Variants in EPHA6 observed in about 807,000 individuals in gnomAD.
EPHA6 encodes EPH receptor A6.
EPHA6 carries 50 observed loss-of-function variants against 112.0 expected under a neutral mutation model. That is an observed-to-expected ratio of 0.45 (90% confidence interval 0.36 to 0.56). EPHA6 has a LOEUF of 0.56. EPHA6 is among the 20% of genes least tolerant of loss of function. The pLI, the probability that EPHA6 is intolerant of heterozygous loss-of-function variation, is 0.00. For missense variants in EPHA6, 1,280 were observed against 1,417.4 expected (o/e 0.90, Z 1.56); for synonymous variants, 529 against 490.7 (o/e 1.08, Z -1.03).
At chr3:97,523,158 G>A (rs769882537) in intron 10 of EPHA6, among the ~76,000 whole-genome samples, 1 of 151,878 alleles carries the variant, frequency 6.6e-6, no homozygotes, top group African/African-American at 2.4e-5. Context: ...TGTAATGCAG[G>A]CATTTATTGC....
chr3:97,532,311 G>A (rs1036487471), intron 10 of EPHA6, 47 bp from the exon 11 acceptor site: 1 of 1,522,932 alleles, frequency 6.6e-7, no homozygotes, highest in South Asian at 1.2e-5. Context: ...CTTCTGAAAT[G>A]TAAGTGTTCG....
At chr3:97,247,300 T>C (rs1257420516) in intron 5 of EPHA6, among the ~76,000 whole-genome samples, 3 of 152,050 alleles carry the variant, frequency 2.0e-5, no homozygotes, top group Non-Finnish European at 2.9e-5. Context: ...TTATTTAACA[T>C]ATTTTTAGTG....
At chr3:97,217,756 G>A (rs947302972) in intron 3 of EPHA6, among the ~76,000 whole-genome samples, 12 of 152,168 alleles carry the variant, frequency 7.9e-5, no homozygotes, top group Non-Finnish European at 1.3e-4. Flanking sequence ...TCCATGTAGG[G>A]AGTGGCAAGA....
intron 3 of EPHA6, among the ~76,000 whole-genome samples, chr3:97,145,689 T>G (rs2076026627): frequency 6.6e-6 from 1 of 151,644 alleles, no homozygotes; most frequent in South Asian, 2.1e-4. Flanking sequence ...ACTGCATAGG[T>G]TTTTTATTTT....
intron 1 of EPHA6, among the ~76,000 whole-genome samples, chr3:96,836,879 A>G (rs1317515085): frequency 6.6e-5 from 10 of 152,174 alleles, no homozygotes; most frequent in Non-Finnish European, 1.5e-4. Context: ...ACCATTCTGC[A>G]TAGATAAACA....
chr3:97,197,396 C>T (rs1003784494), intron 3 of EPHA6, among the ~76,000 whole-genome samples: 1 of 151,790 alleles, frequency 6.6e-6, no homozygotes, highest in Non-Finnish European at 1.5e-5. Context: ...CATGGTGGAT[C>T]CTGCCAAAAC....
intron 3 of EPHA6, among the ~76,000 whole-genome samples, chr3:96,988,371 A>C (rs2043096043): frequency 6.6e-6 from 1 of 152,128 alleles, no homozygotes; most frequent in Non-Finnish European, 1.5e-5. Context: ...AAACAATATG[A>C]ATTGCTGTAT....
intron 10 of EPHA6, among the ~76,000 whole-genome samples, chr3:97,516,971 AAAC>A (rs563595490): frequency 1.2e-4 from 19 of 152,240 alleles, no homozygotes; most frequent in Admixed American, 3.3e-4. Context: ...GGTGCTGTGG[AAAC>A]AACAGAAAAT....
At chr3:96,815,723 A>G (rs9867772) in intron 1 of EPHA6, among the ~76,000 whole-genome samples, 2,383 of 152,246 alleles carry the variant, frequency 0.016, 28 homozygotes, top group Non-Finnish European at 0.024. Flanking sequence ...GTGAAGGTAA[A>G]TAGTGGTTAA....
chr3:97,590,419 G>C (rs1431815003), intron 11 of EPHA6: 1 of 152,122 alleles, frequency 6.6e-6, no homozygotes, highest in Admixed American at 6.6e-5. Context: ...ATTTGTATTA[G>C]TTTCTTTCAA....
intron 10 of EPHA6, among the ~76,000 whole-genome samples, chr3:97,527,771 T>C (rs1396887201): frequency 6.6e-6 from 1 of 152,132 alleles, no homozygotes; most frequent in Non-Finnish European, 1.5e-5. Context: ...GAGGATGTGA[T>C]TGGCTTGTTT....
intron 14 of EPHA6, among the ~76,000 whole-genome samples, chr3:97,715,427 A>T (rs1293648127): frequency 2.0e-5 from 3 of 152,348 alleles, no homozygotes; most frequent in Admixed American, 2.0e-4. Flanking sequence ...AGGATTTTTT[A>T]AATTATGCTT....
At chr3:97,185,661 C>T (rs1253249334) in intron 3 of EPHA6, among the ~76,000 whole-genome samples, 2 of 151,996 alleles carry the variant, frequency 1.3e-5, no homozygotes, top group African/African-American at 2.4e-5. Context: ...GTGGCGATTC[C>T]TCAGGGATCT....
chr3:97,352,351 A>T (rs1252722161), intron 5 of EPHA6, among the ~76,000 whole-genome samples: 1 of 152,180 alleles, frequency 6.6e-6, no homozygotes, highest in Non-Finnish European at 1.5e-5. Flanking sequence ...GTGAGCGATT[A>T]CAGTCCCTGG....
intron 14 of EPHA6, among the ~76,000 whole-genome samples, chr3:97,712,161 T>C (rs889530541): frequency 3.3e-5 from 5 of 152,202 alleles, no homozygotes; most frequent in African/African-American, 4.8e-5. Context: ...ATAAAATCCA[T>C]TACTTTTGTG....
chr3:97,720,298 C>T lies in EPHA6; in HGVS notation c.2822C>T (p.Ala941Val), dbSNP rs2034468808. ...KIPIRWTAPE[A>V]IAYRKFSSAS... ...CCCATAAGGTGGACAGCCCCAGAAGCCATCGCCTACAGAAAATTCTCCTCA... is the reference window on the plus strand; with the variant it reads ...CCCATAAGGTGGACAGCCCCAGAAGTCATCGCCTACAGAAAATTCTCCTCA... The change falls in exon 15 of 18, where the codon GCC (alanine) becomes GTC (valine). Residue 941 changes from alanine (A) to valine (V), a missense_variant. Physicochemically the swap from Ala to Val is moderately conservative, Grantham distance 64 (BLOSUM62 0). This residue lies in a region of EPHA6 where 37 missense variants were observed against 92.9 expected (regional missense o/e 0.40). Transcript: ENST00000389672. The T allele has an allele frequency of 2.5e-6, 4 of 1,610,806 alleles. No homozygotes were observed. Among genetic ancestry groups the T allele is most frequent in the South Asian group, 1.1e-5 (1 of 90,406 alleles).
At chr3:97,139,651 A>G (rs932344623) in intron 3 of EPHA6, among the ~76,000 whole-genome samples, 9 of 152,166 alleles carry the variant, frequency 5.9e-5, no homozygotes, top group African/African-American at 2.2e-4. Context: ...CCTACCCAAC[A>G]TGTGCAACAC....
chr3:97,359,862 C>G (rs1208749663), intron 5 of EPHA6, among the ~76,000 whole-genome samples: 1 of 152,048 alleles, frequency 6.6e-6, no homozygotes, highest in African/African-American at 2.4e-5. Context: ...AAGCTTGTGC[C>G]TTTCTCTAAG....
intron 14 of EPHA6, among the ~76,000 whole-genome samples, chr3:97,683,277 A>T (rs955912727): frequency 3.3e-5 from 5 of 152,280 alleles, no homozygotes; most frequent in Middle Eastern, 3.4e-3. Flanking sequence ...TGACCATTAT[A>T]TTAAAAAAGA....
Sources: gnomAD v4.1 joint callset for allele counts (sites outside exome capture counted in the v4.1 genomes callset) on GRCh38, gnomAD v4.1.1 for gene constraint, gnomAD v4.1.1 regional missense constraint, MANE v1.5 for transcripts, NCBI Gene and HGNC (gene_info 2026-07-23, HGNC 2026-07-21) for gene names.